SLC5A8: variants seen among roughly 807,000 people sequenced by gnomAD.
SLC5A8 encodes sodium-coupled monocarboxylate transporter 1.
Under a neutral mutation model 71.9 loss-of-function variants are expected in SLC5A8, and 55 were observed. The observed-to-expected ratio is 0.77, with a 90% confidence interval of 0.62 to 0.96. The LOEUF is 0.96. SLC5A8 is among the 40% of genes least tolerant of loss of function. SLC5A8 has a pLI of 0.00. For missense variants in SLC5A8, 701 were observed against 745.3 expected (o/e 0.94, Z 0.69); for synonymous variants, 307 against 276.1 (o/e 1.11, Z -1.11).
At chr12:101,161,323 A>G (rs1416436518) in intron 13 of SLC5A8, among the ~76,000 whole-genome samples, 1 of 152,178 alleles carries the variant, frequency 6.6e-6, no homozygotes, top group African/African-American at 2.4e-5. Context: ...GCAGTAGAAA[A>G]CCCAACACAG....
chr12:101,196,215 A>G (rs1346697692), intron 3 of SLC5A8, among the ~76,000 whole-genome samples: 1 of 152,160 alleles, frequency 6.6e-6, no homozygotes, highest in Non-Finnish European at 1.5e-5. Context: ...CTGTGTGTCC[A>G]TGTAAACACG....
At chr12:101,205,625 G>A (rs1488905140) in intron 1 of SLC5A8, among the ~76,000 whole-genome samples, 3 of 152,100 alleles carry the variant, frequency 2.0e-5, no homozygotes, top group Non-Finnish European at 2.9e-5. Context: ...TTTTTGCCCC[G>A]TGATCATGGC....
intron 3 of SLC5A8, 108 bp from the exon 4 acceptor site, chr12:101,195,270 C>T: frequency 8.8e-7 from 1 of 1,138,088 alleles, no homozygotes; most frequent in Non-Finnish European, 1.3e-6. Context: ...GCACCTTCCT[C>T]TATACCCACT....
At chr12:101,181,368 C>T (rs2051931399) in intron 9 of SLC5A8, among the ~76,000 whole-genome samples, 1 of 152,170 alleles carries the variant, frequency 6.6e-6, no homozygotes, top group South Asian at 2.1e-4. Context: ...GAAACACATT[C>T]AAATCATCTG....
In SLC5A8 at chr12:101,157,190, A is replaced by G; in HGVS notation, c.*89T>C. On this transcript the variant is annotated 3_prime_UTR_variant, in exon 15 of 15. Transcript: ENST00000536262. Reference sequence around the variant, plus strand: ...CCCAAACACTCATGATACAACACACACACACACACAAAGAAAACCTGATCC... The same window carrying G: ...CCCAAACACTCATGATACAACACACGCACACACACAAAGAAAACCTGATCC... The G allele has an allele frequency of 1.3e-6, 2 of 1,507,192 alleles. No individual in the cohort carries two copies. The allele number at this position is 1,507,192 out of a possible 1,614,324, so 93.4% of individuals were successfully genotyped here. A position where few individuals can be genotyped will look rare whatever the true frequency, so the allele number is the denominator to read the frequency against.
At chr12:101,197,617 C>T (rs1275011123) in intron 3 of SLC5A8, among the ~76,000 whole-genome samples, 1 of 151,730 alleles carries the variant, frequency 6.6e-6, no homozygotes, top group Non-Finnish European at 1.5e-5. Context: ...AAATATGTTG[C>T]AATTTAAATG....
intron 12 of SLC5A8, among the ~76,000 whole-genome samples, chr12:101,163,876 G>T (rs1194507184): frequency 1.3e-5 from 2 of 152,180 alleles, no homozygotes; most frequent in African/African-American, 4.8e-5. Flanking sequence ...GGGCAAAAGG[G>T]GAGTCTTTTC....
chr12:101,179,598 A>T (rs745884732), intron 10 of SLC5A8, among the ~76,000 whole-genome samples: 1 of 152,200 alleles, frequency 6.6e-6, no homozygotes, highest in Admixed American at 6.5e-5. Flanking sequence ...ATAGAAATGG[A>T]AAACAGATTA....
At chr12:101,160,169 G>A (rs2051711388) in intron 13 of SLC5A8, among the ~76,000 whole-genome samples, 1 of 152,090 alleles carries the variant, frequency 6.6e-6, no homozygotes, top group African/African-American at 2.4e-5. Context: ...GCAAAAGAGC[G>A]AGATTCCATC....
chr12:101,205,145 A>G (rs1474064303), intron 1 of SLC5A8, among the ~76,000 whole-genome samples: 2 of 152,078 alleles, frequency 1.3e-5, no homozygotes, highest in African/African-American at 4.8e-5. Flanking sequence ...TTTTCCTTCC[A>G]TTGGGTATTT....
At position 101,168,139 on chromosome 12, in the gene SLC5A8, C is replaced by T; in HGVS notation, c.1277G>A (p.Gly426Asp). The T allele has an allele frequency of 2.5e-6, 4 of 1,610,166 alleles. No homozygotes were observed. Among genetic ancestry groups the T allele is most frequent in the Non-Finnish European group, 3.4e-6 (4 of 1,178,114 alleles). The change falls in exon 11 of 15, where the codon GGC (glycine) becomes GAC (aspartate). Residue 426 changes from glycine to aspartate, a missense_variant. Gly to Asp is a moderately conservative substitution (Grantham distance 94). Coordinates refer to ENST00000536262, the MANE Select transcript of SLC5A8 (RefSeq NM_145913.5). Reference protein sequence around the residue: ...VFGMVGGPLMGLFALGILVPF... With the variant: ...VFGMVGGPLMDLFALGILVPF... ...AACCAAAATGCCCAAAGCGAACAGG[C>T]CCATAAGTGGTCCACCAACCATACC... is the stretch of plus-strand genomic sequence containing the variant.
intron 1 of SLC5A8, among the ~76,000 whole-genome samples, chr12:101,208,001 C>A (rs1475884871): frequency 6.6e-6 from 1 of 152,014 alleles, no homozygotes; most frequent in African/African-American, 2.4e-5. Flanking sequence ...GTTCCTGTGG[C>A]CACAGGGAGC....
At position 101,190,386 on chromosome 12, in the gene SLC5A8, A is replaced by G. The variant is rs1429538652; in HGVS notation, c.833+82T>C. The G allele has an allele frequency of 9.8e-6, 14 of 1,434,128 alleles. No individual in the cohort carries two copies. The Admixed American group carries it at 1.8e-4, about 18-fold the overall frequency. 88.8% of individuals were successfully genotyped at this position (1,434,128 alleles called of 1,614,324 possible). A position where few individuals can be genotyped will look rare whatever the true frequency, so the allele number is the denominator to read the frequency against. ...TTTCATGACACAAAAGACATAAAGGAGCTAAACGTGACTTATGAAAGAGTT... is the reference window on the plus strand; with the variant it reads ...TTTCATGACACAAAAGACATAAAGGGGCTAAACGTGACTTATGAAAGAGTT... On this transcript the variant is annotated intron_variant, in intron 6 of 14. Transcript: ENST00000536262.
At chr12:101,201,270 C>T (rs1041427555) in intron 3 of SLC5A8, among the ~76,000 whole-genome samples, 1 of 152,146 alleles carries the variant, frequency 6.6e-6, no homozygotes, top group African/African-American at 2.4e-5. Flanking sequence ...TTCAAGAGCA[C>T]CTTACACATG....
chr12:101,199,541 T>C (rs965941927), intron 3 of SLC5A8, among the ~76,000 whole-genome samples: 6 of 152,176 alleles, frequency 3.9e-5, no homozygotes, highest in East Asian at 1.9e-4. Context: ...TAAGCCATAA[T>C]AGTCTAATAA....
intron 10 of SLC5A8, among the ~76,000 whole-genome samples, chr12:101,174,521 T>C (rs2051861173): frequency 6.6e-6 from 1 of 152,228 alleles, no homozygotes; most frequent in Non-Finnish European, 1.5e-5. Context: ...CAGCTGTTTC[T>C]TTCATAAAGG....
At chr12:101,199,146 A>G (rs190121572) in intron 3 of SLC5A8, 3 of 152,142 alleles carry the variant, frequency 2.0e-5, no homozygotes. Context: ...TGACATTTGC[A>G]ATAGCATAAA....
Position 101,164,404 on chromosome 12 carries a change from C to T in SLC5A8, c.1526+2090G>A, listed in dbSNP as rs562205329. Among the ~76,000 whole-genome samples the T allele has an allele frequency of 3.1e-3, 479 of 152,304 alleles. 5 individuals carry two copies. Among genetic ancestry groups the T allele is most frequent in the African/African-American group, 0.011 (460 of 41,562 alleles). On this transcript the variant is annotated intron_variant, in intron 12 of 14. Transcript: ENST00000536262. Reference sequence around the variant, plus strand: ...TACAAATTAAAACCACAGCAAGCTACCAATGTAACCATCAAATATTGTAAA... The same window carrying T: ...TACAAATTAAAACCACAGCAAGCTATCAATGTAACCATCAAATATTGTAAA...
chr12:101,166,395 C>T, intron 12 of SLC5A8, 99 bp downstream of exon 12: 1 of 993,786 alleles, frequency 1.0e-6, no homozygotes, highest in Non-Finnish European at 1.4e-6. Flanking sequence ...CAGAATTAGG[C>T]AAAATCACAG....
Sources: gnomAD v4.1 joint callset for allele counts (sites outside exome capture counted in the v4.1 genomes callset) on GRCh38, gnomAD v4.1.1 for gene constraint, MANE v1.5 for transcripts, NCBI Gene and HGNC (gene_info 2026-07-23, HGNC 2026-07-21) for gene names.